Variants in MROH2B observed in about 807,000 individuals in gnomAD.
MROH2B encodes maestro heat-like repeat-containing protein family member 2B.
Under a neutral mutation model 208.6 loss-of-function variants are expected in MROH2B, and 177 were observed. The ratio of observed to expected loss-of-function variants is 0.85; its 90% CI spans 0.75 to 0.96. MROH2B has a LOEUF of 0.96. Among genes scored for constraint, MROH2B ranks in the 40% least tolerant of loss-of-function variants. MROH2B has a pLI of 0.00. For missense variants in MROH2B, 2,002 were observed against 1,878.7 expected, an observed-to-expected ratio of 1.07 and a Z score of -1.21; for synonymous variants, 728 against 659.0, an observed-to-expected ratio of 1.10 and a Z score of -1.60.
chr5:41,027,210 C>A (rs1245856381), intron 24 of MROH2B, among the ~76,000 whole-genome samples: 1 of 152,180 alleles, frequency 6.6e-6, no homozygotes, highest in African/African-American at 2.4e-5. Flanking sequence ...AACTAAAGAA[C>A]TTCTGCACAG....
At chr5:41,006,357 C>T (rs1302215550) in intron 34 of MROH2B, among the ~76,000 whole-genome samples, 1 of 151,974 alleles carries the variant, frequency 6.6e-6, no homozygotes, top group African/African-American at 2.4e-5. Context: ...GGCATGGATG[C>T]CGTGAAAAGA....
In MROH2B at chr5:41,009,279, CTGAA is replaced by C. The variant is rs1741698381; in HGVS notation, c.3417_3420del (p.Ile1139MetfsTer9). 2 of 1,613,702 alleles carry C rather than the reference CTGAA, an allele frequency of 1.2e-6. No individual in the cohort carries two copies. The highest frequency in any genetic ancestry group is 1.3e-5 in the African/African-American group (1 of 74,922). ...TGATGGGTTCAGGCTGTCCAACTCA[CTGAA>C]ATTGCCTCAACCCTGGCGATGTCAT... is the stretch of plus-strand genomic sequence containing the variant. On this transcript the variant is annotated frameshift_variant and splice_region_variant, in exon 32 of 42. Coordinates refer to ENST00000399564, the MANE Select transcript of MROH2B (RefSeq NM_173489.5). LOFTEE classifies it high-confidence loss of function.
At chr5:41,023,273 C>A (rs138856177) in intron 24 of MROH2B, among the ~76,000 whole-genome samples, 4,407 of 152,186 alleles carry the variant, frequency 0.029, 200 homozygotes, top group African/African-American at 0.1. Context: ...GAACCCATCG[C>A]AAGGAAGCTA....
At chr5:41,045,967 C>T (rs1441117728) in intron 17 of MROH2B, 114 bp from the exon 18 acceptor site, 2 of 555,748 alleles carry the variant, frequency 3.6e-6, no homozygotes, top group East Asian at 6.6e-5. Context: ...TAGTATTATT[C>T]CCTTTTCCAT....
At chr5:41,005,425 C>CCACCT (rs58129703) in intron 35 of MROH2B, 106 bp downstream of exon 35, 6 of 216,680 alleles carry the variant, frequency 2.8e-5, no homozygotes, top group Non-Finnish European at 3.7e-5. Flanking sequence ...CCCCCCCCCC[C>CCACCT]TTGAAGTCTC....
chr5:41,008,359 T>C (rs1741660030), intron 33 of MROH2B, among the ~76,000 whole-genome samples: 1 of 152,206 alleles, frequency 6.6e-6, no homozygotes, highest in African/African-American at 2.4e-5. Context: ...GATAATATAG[T>C]AGTTCCTCTA....
intron 32 of MROH2B, 112 bp downstream of exon 32, chr5:41,009,168 A>G: frequency 1.4e-6 from 2 of 1,395,852 alleles, no homozygotes; most frequent in Non-Finnish European, 9.8e-7. Context: ...AAGTTAGGGT[A>G]TGAGAGAAGA....
intron 37 of MROH2B, among the ~76,000 whole-genome samples, chr5:41,003,227 C>T (rs1489516467): frequency 6.6e-6 from 1 of 152,124 alleles, no homozygotes; most frequent in African/African-American, 2.4e-5. Flanking sequence ...TCCCAAAGTG[C>T]TGGGATTACA....
chr5:41,007,792 A>G (rs1167797682), intron 33 of MROH2B, among the ~76,000 whole-genome samples: 1 of 152,248 alleles, frequency 6.6e-6, no homozygotes, highest in Non-Finnish European at 1.5e-5. Context: ...GATGTGTGTT[A>G]CAATTGTTCT....
At chr5:41,017,699 GGGAGA>G in intron 28 of MROH2B, 146 bp downstream of exon 28, 2 of 768,828 alleles carry the variant, frequency 2.6e-6, no homozygotes, top group South Asian at 2.4e-5. Context: ...AGATGGGGAG[GGGAGA>G]GGAGAGGAGA....
chr5:41,030,351 A>G (rs1167076994), intron 24 of MROH2B, among the ~76,000 whole-genome samples: 1 of 152,038 alleles, frequency 6.6e-6, no homozygotes, highest in African/African-American at 2.4e-5. Context: ...TCTGCTATAT[A>G]CCAACAATAA....
At chr5:41,032,889 C>T in intron 23 of MROH2B, 68 bp from the exon 24 acceptor site, 1 of 1,556,130 alleles carries the variant, frequency 6.4e-7, no homozygotes. Flanking sequence ...GCAGCTGCAA[C>T]CTCATCAGAC....
chr5:41,025,829 T>A (rs939959458), intron 24 of MROH2B, among the ~76,000 whole-genome samples: 1 of 152,162 alleles, frequency 6.6e-6, no homozygotes, highest in Non-Finnish European at 1.5e-5. Flanking sequence ...ATCAAAAAGC[T>A]TATCCACCAT....
Position 41,070,863 on chromosome 5 carries a change from T to G in MROH2B, c.-11A>C. ...TGTACTAAGTGTCATGTCTTGGCTG[T>G]TTCAGGGTCTCTAAAAGATAGCACC... On this transcript the variant is annotated 5_prime_UTR_variant, in exon 1 of 42. Coordinates refer to ENST00000399564, the MANE Select transcript of MROH2B (RefSeq NM_173489.5). 6.2e-7 allele frequency: 1 copy of G among 1,610,302 alleles called. No homozygotes were observed. Among genetic ancestry groups the G allele is most frequent in the Non-Finnish European group, 8.5e-7 (1 of 1,178,144 alleles).
intron 24 of MROH2B, among the ~76,000 whole-genome samples, chr5:41,026,214 G>T (rs146511440): frequency 0.076 from 11,506 of 152,136 alleles, 473 homozygotes; most frequent in African/African-American, 0.11. Context: ...AGAAATAAAG[G>T]GTATTCAATT....
At chr5:41,069,571 A>G (rs1743918595) in intron 2 of MROH2B, 120 bp downstream of exon 2, 1 of 738,628 alleles carries the variant, frequency 1.4e-6, no homozygotes, top group Non-Finnish European at 2.3e-6. Flanking sequence ...TTACTGAAAA[A>G]TCTAATGCCA....
intron 28 of MROH2B, 128 bp downstream of exon 28, chr5:41,017,722 G>T: frequency 9.4e-7 from 1 of 1,059,450 alleles, no homozygotes; most frequent in Non-Finnish European, 1.3e-6. Context: ...AGAAAAGGAG[G>T]AAAATGAGGA....
intron 24 of MROH2B, among the ~76,000 whole-genome samples, chr5:41,025,708 C>T (rs1403261518): frequency 2.6e-5 from 4 of 152,072 alleles, no homozygotes; most frequent in South Asian, 2.1e-4. Flanking sequence ...ATCCTGATAC[C>T]AAAGCCTGGC....
rs756039988 is a variant in MROH2B, at chr5:41,045,801, A to T, written c.1781T>A (p.Leu594Gln). 2 of 1,613,626 alleles carry T rather than the reference A, an allele frequency of 1.2e-6. No homozygotes were observed. The highest frequency in any genetic ancestry group is 2.2e-5 in the South Asian group (2 of 91,080). The part of the protein sequence containing the change: ...KISDVAWTIQ[L>Q]TQDFKQQMGS... The stretch of plus-strand genomic sequence containing the variant: ...CATTTGCTGTTTGAAATCCTGAGTC[A>T]GCTGAATGGTCCAGGCCACATCACT... The change falls in exon 18 of 42, where the codon CTG becomes CAG. Residue 594 changes from leucine to glutamine, a missense_variant. By Grantham distance (113) the Leu-to-Gln change is moderately radical (BLOSUM62 -2). Coordinates refer to ENST00000399564, the MANE Select transcript of MROH2B (RefSeq NM_173489.5).
Sources: allele counts gnomAD v4.1 joint callset (sites outside exome capture counted in the v4.1 genomes callset), GRCh38; gene constraint gnomAD v4.1.1; transcripts MANE v1.5; gene names NCBI Gene and HGNC (gene_info 2026-07-23, HGNC 2026-07-21).